Variants in RNF212B observed in about 807,000 individuals in gnomAD.
The protein encoded by RNF212B is ring finger protein 212B.
In RNF212B, 52 loss-of-function variants were observed where a neutral mutation model predicts 55.5. The observed-to-expected ratio is 0.94, with a 90% CI of 0.75 to 1.18. The LOEUF (loss-of-function observed/expected upper bound fraction) is 1.18, where lower values mean the gene tolerates loss of function less well. Among genes scored for constraint, RNF212B ranks in the 50% most tolerant of loss-of-function variants. The pLI is 0.00. For synonymous variants in RNF212B, 99 were observed against 121.4 expected (o/e 0.82, Z 1.21); for missense variants, 289 against 350.4 (o/e 0.82, Z 1.40).
At chr14:23,232,082 G>T (rs2140421329) in intron 2 of RNF212B, among the ~76,000 whole-genome samples, 1 of 152,228 alleles carries the variant, frequency 6.6e-6, no homozygotes, top group South Asian at 2.1e-4. Flanking sequence ...GGGATGTGAG[G>T]AGCGTCTCTG....
At chr14:23,215,726 A>G (rs1880995122) in intron 2 of RNF212B, among the ~76,000 whole-genome samples, 1 of 152,224 alleles carries the variant, frequency 6.6e-6, no homozygotes, top group South Asian at 2.1e-4. Flanking sequence ...AGAATGGCTA[A>G]TGAAAATTTT....
chr14:23,203,705 T>A (rs972784834), intron 2 of RNF212B, among the ~76,000 whole-genome samples: 3 of 152,122 alleles, frequency 2.0e-5, no homozygotes, highest in African/African-American at 7.2e-5. Context: ...GTTGAACTCC[T>A]GACCTCATGT....
At chr14:23,241,800 C>T (rs897122838) in intron 2 of RNF212B, among the ~76,000 whole-genome samples, 1 of 151,334 alleles carries the variant, frequency 6.6e-6, no homozygotes, top group Non-Finnish European at 1.5e-5. Flanking sequence ...AAAGAAAAAC[C>T]TGGCCGGGCG....
intron 2 of RNF212B, among the ~76,000 whole-genome samples, chr14:23,209,341 A>G (rs1402930941): frequency 1.3e-5 from 2 of 152,132 alleles, no homozygotes; most frequent in South Asian, 4.1e-4. Context: ...CCTGTGACTT[A>G]GAATGCCTTA....
At position 23,268,980 on chromosome 14, in the gene RNF212B, T is replaced by A. The variant is rs1292896572; in HGVS notation, c.674+17T>A. On this transcript the variant is annotated intron_variant, in intron 12 of 14. Transcript: ENST00000430154. ...ATCTTATAGGTCAGTAACACTATGC[T>A]TCCTTTTTCTTGGGATGTGTTCATA... is the stretch of plus-strand genomic sequence containing the variant. 1 of 1,545,440 alleles carries A rather than the reference T, an allele frequency of 6.5e-7. No homozygotes were observed. The highest frequency in any genetic ancestry group is 1.2e-5 in the South Asian group (1 of 83,920).
At chr14:23,218,336 A>G (rs1881278468) in intron 2 of RNF212B, among the ~76,000 whole-genome samples, 1 of 151,166 alleles carries the variant, frequency 6.6e-6, no homozygotes. Flanking sequence ...CCTCTGCACT[A>G]TAGCCTGGGT....
intron 4 of RNF212B, among the ~76,000 whole-genome samples, chr14:23,255,524 ATGTTAAG>A (rs796266598): frequency 2.6e-5 from 4 of 152,282 alleles, no homozygotes; most frequent in African/African-American, 9.6e-5. Flanking sequence ...TATCCAGACA[ATGTTAAG>A]TGTTATCATC....
upstream of RNF212B, among the ~76,000 whole-genome samples, chr14:23,234,211 A>T (rs1052560559): frequency 1.3e-4 from 19 of 151,786 alleles, no homozygotes; most frequent in African/African-American, 4.6e-4. Context: ...TTTCTTTTTT[A>T]AAAAGCTCTT....
chr14:23,247,050 G>T (rs1181531568), intron 4 of RNF212B, among the ~76,000 whole-genome samples: 1 of 151,530 alleles, frequency 6.6e-6, no homozygotes, highest in East Asian at 1.9e-4. Context: ...TGAGGCAGGA[G>T]AATCACTTGA....
intron 4 of RNF212B, among the ~76,000 whole-genome samples, chr14:23,249,772 C>G (rs564832410): frequency 4.7e-4 from 72 of 152,282 alleles, no homozygotes; most frequent in African/African-American, 1.6e-3. Flanking sequence ...TGCTGTGGCT[C>G]TCATCCAGAG....
chr14:23,189,341 T>A (rs1877894372), intron 1 of RNF212B, among the ~76,000 whole-genome samples: 1 of 152,190 alleles, frequency 6.6e-6, no homozygotes, highest in South Asian at 2.1e-4. Flanking sequence ...ATGTGCTGTC[T>A]GTGTTCCTAT....
At chr14:23,251,414 G>C (rs1444218753) in intron 4 of RNF212B, among the ~76,000 whole-genome samples, 3 of 152,156 alleles carry the variant, frequency 2.0e-5, no homozygotes, top group African/African-American at 7.2e-5. Flanking sequence ...ACAAACTTGA[G>C]GATTCCCATG....
At chr14:23,270,054 GC>G (rs1238013935) in intron 13 of RNF212B, 94 bp downstream of exon 13, 4 of 750,596 alleles carry the variant, frequency 5.3e-6, no homozygotes, top group African/African-American at 3.5e-5. Flanking sequence ...GTTGAGGTTT[GC>G]CCCCCAAAGA....
At chr14:23,216,877 C>CGCAA (rs1881123312) in intron 2 of RNF212B, among the ~76,000 whole-genome samples, 1 of 11,026 alleles carries the variant, frequency 9.1e-5, no homozygotes, top group African/African-American at 3.0e-4. Flanking sequence ...GTGACCCTGT[C>CGCAA]TCAAAAAAAA....
intron 2 of RNF212B, among the ~76,000 whole-genome samples, chr14:23,211,090 C>T (rs1051902228): frequency 1.3e-5 from 2 of 151,018 alleles, no homozygotes; most frequent in Non-Finnish European, 3.0e-5. Context: ...TGATGGCGTA[C>T]GCCTGTAATC....
At chr14:23,243,466 C>T (rs1295558244) in intron 3 of RNF212B, among the ~76,000 whole-genome samples, 158 bp downstream of exon 3, 1 of 151,764 alleles carries the variant, frequency 6.6e-6, no homozygotes, top group African/African-American at 2.4e-5. Context: ...GAGGTCAAGG[C>T]GGGTGGATCG....
chr14:23,231,390 C>T (rs1882597402), intron 2 of RNF212B, among the ~76,000 whole-genome samples: 1 of 152,092 alleles, frequency 6.6e-6, no homozygotes, highest in South Asian at 2.1e-4. Flanking sequence ...AAAAATGGTG[C>T]TGAAACAATT....
rs1036942584 is a variant in RNF212B at position 23,261,763 on chromosome 14, C to A, written c.435-902C>A. ...GATCATGGGGTCAGGAGATTGAGAC[C>A]GTTCTGGCTAACATGGTGAAACCCC... On this transcript the variant is annotated intron_variant, in intron 7 of 14. Coordinates refer to ENST00000430154, the MANE Select transcript of RNF212B (RefSeq NM_001282322.3). 8.5e-5 allele frequency among the ~76,000 whole-genome samples: 13 copies of A among 152,116 alleles called. 1 individual carries two copies. The highest frequency in any genetic ancestry group is 8.5e-4 in the Admixed American group (13 of 15,260).
chr14:23,189,079 C>T (rs536590794), intron 1 of RNF212B, among the ~76,000 whole-genome samples: 51 of 152,172 alleles, frequency 3.4e-4, no homozygotes, highest in Non-Finnish European at 6.0e-4. Flanking sequence ...GAGCACAGAT[C>T]TCAAGCAGGC....
Sources: gnomAD v4.1 joint callset for allele counts (sites outside exome capture counted in the v4.1 genomes callset) on GRCh38, gnomAD v4.1.1 for gene constraint, MANE v1.5 for transcripts, NCBI Gene and HGNC (gene_info 2026-07-23, HGNC 2026-07-21) for gene names.